The following FMNL1 variants were observed in gnomAD, a reference collection of about 807,000 sequenced individuals.
FMNL1 encodes the protein formin-like protein 1.
FMNL1 carries 43 observed loss-of-function variants against 121.3 expected under a neutral mutation model. The observed-to-expected ratio is 0.35, with a 90% confidence interval of 0.28 to 0.46. The LOEUF (loss-of-function observed/expected upper bound fraction) is 0.46. Ranked by LOEUF, FMNL1 falls within the 20% of genes least tolerant of loss-of-function variation. The pLI, the probability that FMNL1 is intolerant of heterozygous loss-of-function variation, is 1.00. For missense variants in FMNL1, 1,191 were observed against 1,482.4 expected (o/e 0.80, Z 3.23); for synonymous variants, 613 against 613.5 (o/e 1.00, Z 0.01).
At chr17:45,246,133 G>A (rs747515745) in intron 24 of FMNL1, 77 bp from the exon 25 acceptor site, 1 of 1,553,206 alleles carries the variant, frequency 6.4e-7, no homozygotes, top group Non-Finnish European at 8.7e-7. Context: ...TGTCCTTGCT[G>A]TGGGGGACCA....
chr17:45,222,214 C>A lies in FMNL1; in HGVS notation c.90C>A (p.Pro30=), dbSNP rs767490114. Residue 30 remains proline, a synonymous_variant, in exon 1 of 27, where the codon CCC becomes CCA. Transcript: ENST00000331495. ...KQPAPPKQPM[P]AAGELEERFN... Reference sequence around the variant, plus strand: ...CCGCGCCTCCCAAGCAGCCGATGCCCGCGGCCGGAGAGCTGGAGGAGAGGT... The same window carrying A: ...CCGCGCCTCCCAAGCAGCCGATGCCAGCGGCCGGAGAGCTGGAGGAGAGGT... 8.0e-7 allele frequency: 1 copy of A among 1,257,106 alleles called. No individual in the cohort carries two copies. 77.9% of individuals were successfully genotyped at this position (1,257,106 alleles called of 1,614,324 possible).
chr17:45,228,307 T>G (rs1417912584), intron 1 of FMNL1, among the ~76,000 whole-genome samples: 1 of 152,176 alleles, frequency 6.6e-6, no homozygotes, highest in Non-Finnish European at 1.5e-5. Context: ...CCTGGGGGCC[T>G]GAGAAGGCCC....
intron 1 of FMNL1, among the ~76,000 whole-genome samples, chr17:45,225,556 T>C (rs1281553051): frequency 6.6e-6 from 1 of 152,092 alleles, no homozygotes; most frequent in Non-Finnish European, 1.5e-5. Context: ...GCCACGGATG[T>C]GGTGGGCATG....
Position 45,233,368 on chromosome 17 carries a change from C to G in FMNL1, c.401+71C>G. On this transcript the variant is annotated intron_variant, in intron 4 of 26. Transcript: ENST00000331495. The surrounding 1 kb of genome is among the most constrained non-coding windows in gnomAD (Gnocchi z 4.1). Reference sequence around the variant, plus strand: ...GCTTCCAGGCAGCTCCTGGAGCTTCCCCTTCCTACTCCCCCTGCCCCCTGC... The same window carrying G: ...GCTTCCAGGCAGCTCCTGGAGCTTCGCCTTCCTACTCCCCCTGCCCCCTGC... 9.6e-6 allele frequency: 14 copies of G among 1,459,426 alleles called. No homozygotes were observed. Among genetic ancestry groups the G allele is most frequent in the Non-Finnish European group, 1.3e-5 (14 of 1,073,032 alleles). 90.4% of individuals were successfully genotyped at this position (1,459,426 alleles called of 1,614,324 possible).
At chr17:45,229,480 C>A (rs919993396) in intron 1 of FMNL1, among the ~76,000 whole-genome samples, 4 of 152,204 alleles carry the variant, frequency 2.6e-5, no homozygotes, top group African/African-American at 9.7e-5. Flanking sequence ...CGTGAACCAC[C>A]ATGGCTGGTG....
Position 45,241,322 on chromosome 17 carries a change from T to A in FMNL1, c.1333-60T>A, listed in dbSNP as rs2043686466. 1 of 1,596,530 alleles carries A rather than the reference T, an allele frequency of 6.3e-7. No individual in the cohort carries two copies. The highest frequency in any genetic ancestry group is 8.5e-7 in the Non-Finnish European group (1 of 1,171,412). On this transcript the variant is annotated intron_variant, in intron 13 of 26. Transcript: ENST00000331495. The surrounding 1 kb of genome is among the most constrained non-coding windows in gnomAD (Gnocchi z 7.0). ...ATCTCCCTCCACCCCGGGAAGAAGATGGAGGCTTGGTGCCAAGGAGCCTGC... is the reference window on the plus strand; with the variant it reads ...ATCTCCCTCCACCCCGGGAAGAAGAAGGAGGCTTGGTGCCAAGGAGCCTGC...
At position 45,246,310 on chromosome 17, in the gene FMNL1, C is replaced by G; in HGVS notation, c.3191C>G (p.Ala1064Gly). ...PLIYESDRDGAIEDIITVIKT... is the reference protein window; with the variant it reads ...PLIYESDRDGGIEDIITVIKT... ...ATTTATGAGAGCGACCGTGATGGGG[C>G]CATTGAAGACATCATCACAGGTAAG... The change falls in exon 25 of 27, where the codon GCC (alanine) becomes GGC (glycine). Residue 1064 changes from alanine (A) to glycine (G), a missense_variant. Around this residue, in one of 4 missense-constraint regions of FMNL1, gnomAD observed 367 missense variants for 528.6 expected, o/e 0.69. Coordinates refer to ENST00000331495, the MANE Select transcript of FMNL1 (RefSeq NM_005892.4). 1 of 1,614,038 alleles carries G rather than the reference C, an allele frequency of 6.2e-7. No homozygotes were observed. The highest frequency in any genetic ancestry group is 8.5e-7 in the Non-Finnish European group (1 of 1,179,996).
intron 11 of FMNL1, among the ~76,000 whole-genome samples, chr17:45,240,116 T>C (rs902015601): frequency 6.6e-6 from 1 of 152,192 alleles, no homozygotes; most frequent in Non-Finnish European, 1.5e-5. Flanking sequence ...ATATGAAATG[T>C]CCAGAATGGG....
At position 45,237,187 on chromosome 17, in the gene FMNL1, C is replaced by G. The variant is rs2043568906; in HGVS notation, c.724-94C>G. On this transcript the variant is annotated intron_variant, in intron 7 of 26. Coordinates refer to ENST00000331495, the MANE Select transcript of FMNL1 (RefSeq NM_005892.4). The surrounding 1 kb of genome is among the most constrained non-coding windows in gnomAD (Gnocchi z 4.4). ...GTTGCGGTTGGATACAAAGAACTTC[C>G]TAAACTCGAGGGCAGTTAAAGATCC... 1.8e-5 allele frequency: 21 copies of G among 1,179,912 alleles called. No individual in the cohort carries two copies. The South Asian group carries it at 2.3e-4, about 13-fold the overall frequency. 73.1% of individuals were successfully genotyped at this position (1,179,912 alleles called of 1,614,324 possible).
At position 45,243,167 on chromosome 17, in the gene FMNL1, G is replaced by A. The variant is rs2043747914; in HGVS notation, c.2060G>A (p.Gly687Asp). ...FEEQFKTKSQGPSLDLSALKS... is the reference protein window; with the variant it reads ...FEEQFKTKSQDPSLDLSALKS... ...GAACAGTTCAAGACCAAGTCCCAAG[G>A]CCCCAGCCTGGACCTCAGCGCTCTC... Residue 687 changes from glycine (G) to aspartate (D), a missense_variant, in exon 17 of 27, where the codon GGC becomes GAC. By Grantham distance (94) the Gly-to-Asp change is moderately conservative. This residue lies in a region of FMNL1 where 519 missense variants were observed against 492.8 expected (regional missense o/e 1.05). Transcript: ENST00000331495. 1.9e-6 allele frequency: 3 copies of A among 1,614,074 alleles called. No individual in the cohort carries two copies. The highest frequency in any genetic ancestry group is 2.2e-5 in the South Asian group (2 of 91,088).
At position 45,243,124 on chromosome 17, in the gene FMNL1, G is replaced by T; in HGVS notation, c.2017G>T (p.Asp673Tyr). ...LNDEKVLQEL[D>Y]MSDFEEQFKT... ...CCTCACCCTGTACCTTCAGGAGCTA[G>T]ACATGAGTGATTTTGAGGAACAGTT... The change falls in exon 17 of 27, where the codon GAC (aspartate) becomes TAC (tyrosine). Residue 673 changes from aspartate (D) to tyrosine (Y), a missense_variant. Asp to Tyr is a radical substitution (Grantham distance 160). This residue lies in a region of FMNL1 where 519 missense variants were observed against 492.8 expected (regional missense o/e 1.05). Coordinates refer to ENST00000331495, the MANE Select transcript of FMNL1 (RefSeq NM_005892.4). 6.2e-7 allele frequency: 1 copy of T among 1,614,208 alleles called. No homozygotes were observed. Among genetic ancestry groups the T allele is most frequent in the Non-Finnish European group, 8.5e-7 (1 of 1,180,038 alleles).
chr17:45,240,376 C>G (rs1260644158), intron 11 of FMNL1, 100 bp from the exon 12 acceptor site: 1 of 1,335,986 alleles, frequency 7.5e-7, no homozygotes, highest in African/African-American at 1.5e-5. Flanking sequence ...GGGCTCAGGC[C>G]CCTTCCTCTG....
At chr17:45,228,232 C>T (rs979014792) in intron 1 of FMNL1, among the ~76,000 whole-genome samples, 10 of 152,226 alleles carry the variant, frequency 6.6e-5, no homozygotes, top group African/African-American at 2.2e-4. Flanking sequence ...TAGTGTTCGG[C>T]GCTGTCAGAG....
In FMNL1 at chr17:45,238,649, G is replaced by GAGCCCAGC. The variant is rs766675938; in HGVS notation, c.969+16_969+23dup. 6.2e-7 allele frequency: 1 copy of GAGCCCAGC among 1,614,076 alleles called. No homozygotes were observed. Among genetic ancestry groups the GAGCCCAGC allele is most frequent in the Non-Finnish European group, 8.5e-7 (1 of 1,179,994 alleles). On this transcript the variant is annotated intron_variant, in intron 10 of 26. Coordinates refer to ENST00000331495, the MANE Select transcript of FMNL1 (RefSeq NM_005892.4). ...AACATCGACTTCATGGTGAGCTCAG[G>GAGCCCAGC]AGCCCAGCAGCCTGAGGCCTGGGCC... is the stretch of plus-strand genomic sequence containing the variant.
intron 6 of FMNL1, 73 bp downstream of exon 6, chr17:45,234,273 C>G: frequency 8.7e-6 from 14 of 1,610,024 alleles, no homozygotes; most frequent in Non-Finnish European, 1.2e-5. Flanking sequence ...CTAGCCAGCC[C>G]ACCCCGGGCC....
In FMNL1 at chr17:45,243,905, G is replaced by A. The variant is rs1402561889; in HGVS notation, c.2328G>A (p.Glu776=). 6.2e-7 allele frequency: 1 copy of A among 1,613,952 alleles called. No homozygotes were observed. Among genetic ancestry groups the A allele is most frequent in the Non-Finnish European group, 8.5e-7 (1 of 1,180,038 alleles). Residue 776 remains glutamate, a synonymous_variant, in exon 18 of 27, where the codon GAG becomes GAA. Transcript: ENST00000331495. ...TRFEREQRPM[E]ELSEEDRFML... ...TTGAGCGGGAGCAGCGGCCAATGGA[G>A]GAGCTGTCAGAGGAGGACCGCTTCA...
intron 16 of FMNL1, 108 bp downstream of exon 16, chr17:45,242,573 T>G (rs1161372700): frequency 6.8e-7 from 1 of 1,477,654 alleles, no homozygotes; most frequent in African/African-American, 1.4e-5. Context: ...ATTTCACAGA[T>G]GAGGAGGGGG....
chr17:45,241,914 C>T lies in FMNL1; in HGVS notation c.1653C>T (p.Leu551=). 7.2e-7 allele frequency: 1 copy of T among 1,397,122 alleles called. No homozygotes were observed. Among genetic ancestry groups the T allele is most frequent in the Non-Finnish European group, 9.2e-7 (1 of 1,084,742 alleles). 86.5% of individuals were successfully genotyped at this position (1,397,122 alleles called of 1,614,324 possible). A position where few individuals can be genotyped will look rare whatever the true frequency, so the allele number is the denominator to read the frequency against. The stretch of plus-strand genomic sequence containing the variant: ...CGCCGCCGCCCCCACTGCCCGGCCT[C>T]CCCTCCCCGCAGGAAGCCCCGCCCT... ...APPPPPPLPG[L]PSPQEAPPSA... Residue 551 remains leucine (L), a synonymous_variant, in exon 15 of 27, where the codon CTC becomes CTT. Coordinates refer to ENST00000331495, the MANE Select transcript of FMNL1 (RefSeq NM_005892.4). This position sits in a 1 kb window ranked among gnomAD's most constrained non-coding sequence, Gnocchi z 7.0.
chr17:45,246,527 G>C lies in FMNL1; in HGVS notation c.3234G>C (p.Thr1078=), dbSNP rs1467002280. 6 of 1,613,944 alleles carry C rather than the reference G, an allele frequency of 3.7e-6. No individual in the cohort carries two copies. Among genetic ancestry groups the C allele is most frequent in the Non-Finnish European group, 5.1e-6 (6 of 1,179,930 alleles). The change falls in exon 26 of 27, where the codon ACG becomes ACC. Residue 1078 remains threonine (T), a synonymous_variant. Transcript: ENST00000331495. ...CAGTGATCAAGACGGTGCCCTTCAC[G>C]GCCCGCACCGGCAAGCGGACATCCC... ...IITVIKTVPF[T]ARTGKRTSRL...
Sources: allele counts gnomAD v4.1 joint callset (sites outside exome capture counted in the v4.1 genomes callset), GRCh38; gene constraint gnomAD v4.1.1; regional missense constraint gnomAD v4.1.1; non-coding constraint Gnocchi (gnomAD v3.1); transcripts MANE v1.5; gene names NCBI Gene and HGNC (gene_info 2026-07-23, HGNC 2026-07-21).